Variants in BST1 observed in about 807,000 individuals in gnomAD.
The protein encoded by BST1 is ADP-ribosyl cyclase/cyclic ADP-ribose hydrolase 2.
A neutral mutation model predicts 40.6 loss-of-function variants in BST1; 49 were observed. The ratio of observed to expected loss-of-function variants is 1.21; its 90% CI spans 0.96 to 1.53. BST1 has a LOEUF of 1.53. Ranked by LOEUF, BST1 falls within the 40% of genes most tolerant of loss-of-function variation. BST1 has a pLI of 0.00. For missense variants in BST1, 423 were observed against 395.9 expected (o/e 1.07, Z -0.58); for synonymous variants, 157 against 159.3 (o/e 0.99, Z 0.11).
intron 8 of BST1, 157 bp from the exon 9 acceptor site, chr4:15,731,583 G>A (rs1721374648): frequency 8.1e-6 from 9 of 1,112,028 alleles, no homozygotes; most frequent in South Asian, 8.0e-5. Context: ...GCAGGACTTC[G>A]CGCACCGCCT....
chr4:15,735,899 T>G (rs1721542722), downstream of BST1, among the ~76,000 whole-genome samples: 1 of 152,008 alleles, frequency 6.6e-6, no homozygotes, highest in South Asian at 2.1e-4. Flanking sequence ...AACTTCACTT[T>G]TTTCCCGAAT....
At chr4:15,741,518 T>C (rs74601559), downstream of BST1, among the ~76,000 whole-genome samples, 1,754 of 152,298 alleles carry the variant, frequency 0.012, 37 homozygotes, top group African/African-American at 0.04. Flanking sequence ...TACAACATTG[T>C]GTGCAGGGAA....
downstream of BST1, chr4:15,736,253 G>A (rs530932352): frequency 5.6e-5 from 32 of 575,860 alleles, no homozygotes; most frequent in African/African-American, 5.2e-4. Context: ...AGGGTCCTGA[G>A]TGCATCGTCC....
chr4:15,770,471 G>A, the BST1 span, among the ~76,000 whole-genome samples: 137 of 152,268 alleles, frequency 9.0e-4, no homozygotes, highest in Non-Finnish European at 1.1e-3. Flanking sequence ...TTGGGAGGCC[G>A]AGGCGGGTGG....
chr4:15,760,870 A>G, the BST1 span, among the ~76,000 whole-genome samples: 3 of 139,420 alleles, frequency 2.2e-5, no homozygotes, highest in Non-Finnish European at 4.7e-5. Context: ...TTTTTTTGGT[A>G]TTTTTAGTAG....
chr4:15,719,066 G>C (rs1720665102), intron 7 of BST1, 73 bp downstream of exon 7: 1 of 1,325,576 alleles, frequency 7.5e-7, no homozygotes, highest in African/African-American at 1.5e-5. Context: ...CTGCCGAAAG[G>C]GTATTGATGG....
At chr4:15,715,220 T>A (rs982341151) in intron 4 of BST1, 65 bp from the exon 5 acceptor site, 2 of 1,441,918 alleles carry the variant, frequency 1.4e-6, no homozygotes, top group Non-Finnish European at 1.9e-6. Flanking sequence ...TTGTAAAAAA[T>A]GCACATTTCA....
chr4:15,722,380 T>C (rs1720852602), intron 7 of BST1, among the ~76,000 whole-genome samples: 1 of 152,196 alleles, frequency 6.6e-6, no homozygotes, highest in African/African-American at 2.4e-5. Flanking sequence ...TATAATCAAA[T>C]GTCTTGGTAC....
At chr4:15,703,645 C>T (rs78739477) in intron 1 of BST1, among the ~76,000 whole-genome samples, 37,743 of 109,026 alleles carry the variant, frequency 0.35, 6,393 homozygotes, top group East Asian at 0.48. Flanking sequence ...TGTGTGTGTG[C>T]GCGCGCTCTA....
chr4:15,721,893 A>G (rs571100682), intron 7 of BST1, among the ~76,000 whole-genome samples: 34 of 152,088 alleles, frequency 2.2e-4, no homozygotes, highest in African/African-American at 8.2e-4. Flanking sequence ...CATAGAGACA[A>G]CAATATCACG....
intron 7 of BST1, among the ~76,000 whole-genome samples, chr4:15,722,644 GCTGGTCTCAAACTC>G (rs1435756988): frequency 6.7e-6 from 1 of 149,238 alleles, no homozygotes; most frequent in Non-Finnish European, 1.5e-5. Flanking sequence ...TGTTGCCCAG[GCTGGTCTCAAACTC>G]CTGGTCTCAA....
chr4:15,735,003 C>T (rs1400138962), downstream of BST1, among the ~76,000 whole-genome samples: 1 of 152,150 alleles, frequency 6.6e-6, no homozygotes, highest in Non-Finnish European at 1.5e-5. Flanking sequence ...ATTGTAAAAG[C>T]GGTATTAGCT....
downstream of BST1, among the ~76,000 whole-genome samples, chr4:15,742,668 G>C (rs922616346): frequency 2.6e-5 from 4 of 152,206 alleles, no homozygotes. Flanking sequence ...TCATTTGGGA[G>C]GTAATAAACT....
At chr4:15,705,092 C>T in intron 1 of BST1, 2 of 685,814 alleles carry the variant, frequency 2.9e-6, no homozygotes, top group South Asian at 3.1e-5. Flanking sequence ...AGCATTGGGC[C>T]TCCCTCCTAA....
chr4:15,737,631 T>G (rs147256630), downstream of BST1, among the ~76,000 whole-genome samples: 587 of 152,288 alleles, frequency 3.9e-3, 2 homozygotes, highest in Non-Finnish European at 6.4e-3. Flanking sequence ...AAAAGAGAAA[T>G]GCACATGGAA....
intron 8 of BST1, among the ~76,000 whole-genome samples, chr4:15,728,497 G>A (rs1465985504): frequency 6.8e-6 from 1 of 147,324 alleles, no homozygotes; most frequent in South Asian, 2.2e-4. Context: ...TGTCACCCAG[G>A]CATGGAGTGC....
chr4:15,731,895 G>A lies in BST1; in HGVS notation c.*50G>A. The A allele has an allele frequency of 6.3e-7, 1 of 1,579,434 alleles. No individual in the cohort carries two copies. The highest frequency in any genetic ancestry group is 8.6e-7 in the Non-Finnish European group (1 of 1,161,930). ...TCCTCCAGCCCTGCAGCCTCCCCTT[G>A]CAGTCATCATTCGTGTTCTGTGTAT... is the stretch of plus-strand genomic sequence containing the variant. On this transcript the variant is annotated 3_prime_UTR_variant, in exon 9 of 9. Coordinates refer to ENST00000265016, the MANE Select transcript of BST1 (RefSeq NM_004334.3).
In BST1 at chr4:15,703,087, G is replaced by A; in HGVS notation, c.-58G>A. On this transcript the variant is annotated 5_prime_UTR_variant, in exon 1 of 9. Transcript: ENST00000265016. ...TGCATCAGTTTGCGGAACCGCCTTG[G>A]TAGAAGGAGAGAAGGGGAGTGGAGG... 2 of 1,509,442 alleles carry A rather than the reference G, an allele frequency of 1.3e-6. No individual in the cohort carries two copies. The highest frequency in any genetic ancestry group is 8.8e-7 in the Non-Finnish European group (1 of 1,137,726). The allele number at this position is 1,509,442 out of a possible 1,614,324, so 93.5% of individuals were successfully genotyped here.
downstream of BST1, among the ~76,000 whole-genome samples, chr4:15,742,949 C>T (rs898230363): frequency 2.6e-5 from 4 of 152,222 alleles, no homozygotes; most frequent in Admixed American, 6.5e-5. Context: ...GCACCAGCTG[C>T]AGCAGAGATG....
Sources: allele counts gnomAD v4.1 joint callset (sites outside exome capture counted in the v4.1 genomes callset), GRCh38; gene constraint gnomAD v4.1.1; transcripts MANE v1.5; gene names NCBI Gene and HGNC (gene_info 2026-07-23, HGNC 2026-07-21).